MIA2: variants seen among roughly 807,000 people sequenced by gnomAD.
MIA2 encodes melanoma inhibitory activity protein 2.
A neutral mutation model predicts 167.8 loss-of-function variants in MIA2; 127 were observed. The observed-to-expected ratio is 0.76, with a 90% CI of 0.66 to 0.88. MIA2 has a LOEUF of 0.88. MIA2 is among the 40% of genes least tolerant of loss of function. MIA2 has a pLI of 0.00. For synonymous variants in MIA2, 552 were observed against 541.9 expected, an observed-to-expected ratio of 1.02 and a Z score of -0.26; for missense variants, 1,690 against 1,624.7, an observed-to-expected ratio of 1.04 and a Z score of -0.69.
At position 39,378,992 on chromosome 14, in the gene MIA2, G is replaced by T. The variant is rs569524454; in HGVS notation, c.2249-7893G>T. Reference sequence around the variant, plus strand: ...AAAGGCAAAAATCTTTATTCTTTGAGAGGGGAGACTTAATTCCTCAAACAA... The same window carrying T: ...AAAGGCAAAAATCTTTATTCTTTGATAGGGGAGACTTAATTCCTCAAACAA... On this transcript the variant is annotated intron_variant, in intron 23 of 23. Coordinates refer to the MIA2 transcript ENST00000341502. Among the ~76,000 whole-genome samples, 10 of 152,326 alleles carry T rather than the reference G, an allele frequency of 6.6e-5. 1 individual carries two copies. Among genetic ancestry groups the T allele is most frequent in the African/African-American group, 2.4e-4 (10 of 41,564 alleles).
At chr14:39,355,517 CTCT>C (rs1466150079), downstream of MIA2, among the ~76,000 whole-genome samples, 6 of 152,228 alleles carry the variant, frequency 3.9e-5, no homozygotes, top group East Asian at 1.2e-3. Flanking sequence ...ATTTGACTTC[CTCT>C]TTTCCTAATT....
At chr14:39,249,828 G>T (rs557445730) in intron 4 of MIA2, among the ~76,000 whole-genome samples, 59 of 152,262 alleles carry the variant, frequency 3.9e-4, no homozygotes, top group Non-Finnish European at 6.9e-4. Context: ...CAGGAAGAGG[G>T]CAACAAACTC....
chr14:39,356,332 T>C (rs1395325717), downstream of MIA2, among the ~76,000 whole-genome samples: 1 of 152,244 alleles, frequency 6.6e-6, no homozygotes, highest in Non-Finnish European at 1.5e-5. Context: ...TTTTCTAGTT[T>C]ATTTGCATAG....
chr14:39,288,461 A>ATTTT (rs1225086664), intron 9 of MIA2, among the ~76,000 whole-genome samples: 2 of 19,892 alleles, frequency 1.0e-4, no homozygotes, highest in African/African-American at 2.7e-4. Context: ...ATATATATAT[A>ATTTT]TATATATATA....
chr14:39,247,877 A>C lies in MIA2; in HGVS notation c.1303A>C (p.Thr435Pro). Residue 435 changes from threonine to proline, a missense_variant, in exon 4 of 29, where the codon ACA (threonine) becomes CCA (proline). Coordinates refer to ENST00000640607, the MANE Select transcript of MIA2 (RefSeq NM_001329214.4). ...QEIETIKIIE[T>P]EDQIDKKPVS... Reference sequence around the variant, plus strand: ...AATAGAAACGATAAAAATTATAGAAACAGAAGATCAAATAGACAAGAAACC... The same window carrying C: ...AATAGAAACGATAAAAATTATAGAACCAGAAGATCAAATAGACAAGAAACC... 1 of 1,589,478 alleles carries C rather than the reference A, an allele frequency of 6.3e-7. No homozygotes were observed.
chr14:39,354,446 A>G (rs1340363597), downstream of MIA2, among the ~76,000 whole-genome samples: 1 of 152,122 alleles, frequency 6.6e-6, no homozygotes, highest in Non-Finnish European at 1.5e-5. Flanking sequence ...AGTTCTTTGT[A>G]GATTCTGGAT....
intron 2 of MIA2, 29 bp from the exon 3 acceptor site, chr14:39,240,532 T>G (rs375221610): frequency 2.0e-6 from 3 of 1,537,294 alleles, no homozygotes; most frequent in Non-Finnish European, 2.7e-6. Context: ...TCATTCTTCC[T>G]CGATAATCTT....
intron 25 of MIA2, among the ~76,000 whole-genome samples, chr14:39,333,372 T>C (rs1455169010): frequency 6.6e-6 from 1 of 152,228 alleles, no homozygotes; most frequent in Non-Finnish European, 1.5e-5. Context: ...ATTAGTTCAG[T>C]TATTTTTGCC....
intron 17 of MIA2, among the ~76,000 whole-genome samples, chr14:39,307,547 A>T (rs1378538515): frequency 6.6e-6 from 1 of 151,690 alleles, no homozygotes; most frequent in Admixed American, 6.6e-5. Context: ...GATTGCAGGC[A>T]CGCCCCAGCA....
chr14:39,326,999 G>A lies in MIA2; in HGVS notation c.3632G>A (p.Arg1211His), dbSNP rs1050857079. The A allele has an allele frequency of 6.5e-6, 10 of 1,532,664 alleles. No individual in the cohort carries two copies. The highest frequency in any genetic ancestry group is 4.3e-5 in the African/African-American group (3 of 70,564). The allele number at this position is 1,532,664 out of a possible 1,614,324, so 94.9% of individuals were successfully genotyped here. A position where few individuals can be genotyped will look rare whatever the true frequency, so the allele number is the denominator to read the frequency against. The change falls in exon 25 of 29, where the codon CGT becomes CAT. Residue 1211 changes from arginine (R) to histidine (H), a missense_variant. Arg to His is a conservative substitution (Grantham distance 29). Transcript: ENST00000640607. ...GSLSPPWDQD[R>H]RMMFPPPGQS... ...CTGTCACCTCCATGGGACCAGGACC[G>A]TAGGATGATGTTTCCTCCGCCAGGT...
chr14:39,357,312 T>G (rs1159691186), intron 23 of MIA2, among the ~76,000 whole-genome samples: 3 of 152,240 alleles, frequency 2.0e-5, no homozygotes, highest in Non-Finnish European at 4.4e-5. Context: ...TGTAATGGCC[T>G]TGTTTGTCTC....
chr14:39,294,093 G>C, intron 12 of MIA2, 22 bp downstream of exon 12: 1 of 1,513,276 alleles, frequency 6.6e-7, no homozygotes, highest in Non-Finnish European at 9.0e-7. Context: ...TAGTCTAGTA[G>C]GTCTGTTGCT....
At chr14:39,278,423 C>T (rs1000592196) in intron 7 of MIA2, among the ~76,000 whole-genome samples, 3 of 152,102 alleles carry the variant, frequency 2.0e-5, no homozygotes, top group African/African-American at 4.8e-5. Flanking sequence ...GAAATCTATT[C>T]TTCATCTACA....
intron 23 of MIA2, among the ~76,000 whole-genome samples, chr14:39,365,840 T>C (rs544113503): frequency 2.0e-5 from 3 of 152,338 alleles, no homozygotes; most frequent in African/African-American, 7.2e-5. Flanking sequence ...TATTGGAATA[T>C]AATGCTGGAG....
rs577648507 is a variant in MIA2 at position 39,248,958 on chromosome 14, C to T, written c.1567+817C>T. 2.6e-5 allele frequency among the ~76,000 whole-genome samples: 4 copies of T among 152,118 alleles called. No homozygotes were observed. In the South Asian group the frequency reaches 6.2e-4, roughly 24 times the overall value. On this transcript the variant is annotated intron_variant, in intron 4 of 28. Transcript: ENST00000640607. ...TTCACTATGTTGTCCATGGTGGTCTCGAACTCCTGAGCTCAAGCGATCTGC... is the reference window on the plus strand; with the variant it reads ...TTCACTATGTTGTCCATGGTGGTCTTGAACTCCTGAGCTCAAGCGATCTGC...
intron 23 of MIA2, among the ~76,000 whole-genome samples, chr14:39,366,514 C>T (rs981790954): frequency 2.0e-5 from 3 of 152,078 alleles, no homozygotes; most frequent in Admixed American, 6.5e-5. Flanking sequence ...CACGTGCCAG[C>T]GAGTACCAGC....
chr14:39,278,313 G>A (rs569220587), intron 7 of MIA2, among the ~76,000 whole-genome samples: 1 of 152,090 alleles, frequency 6.6e-6, no homozygotes, highest in Non-Finnish European at 1.5e-5. Flanking sequence ...TTTTTCAGAT[G>A]TTGCCCCTTT....
chr14:39,273,610 C>G (rs1435371838), intron 6 of MIA2, among the ~76,000 whole-genome samples: 1 of 148,058 alleles, frequency 6.8e-6, no homozygotes, highest in Non-Finnish European at 1.5e-5. Flanking sequence ...TTTTTTTTTT[C>G]TCTTCATTTT....
chr14:39,381,703 T>C (rs1177689303), intron 23 of MIA2, among the ~76,000 whole-genome samples: 5 of 149,776 alleles, frequency 3.3e-5, no homozygotes, highest in African/African-American at 1.2e-4. Context: ...TCCCCAGCTG[T>C]GGGAATCTAA....
Sources: gnomAD v4.1 joint callset for allele counts (sites outside exome capture counted in the v4.1 genomes callset) on GRCh38, gnomAD v4.1.1 for gene constraint, MANE v1.5 for transcripts, NCBI Gene and HGNC (gene_info 2026-07-23, HGNC 2026-07-21) for gene names.